Variants in WDFY3 observed in about 807,000 individuals in gnomAD.
WDFY3 encodes WD repeat and FYVE domain containing 3, also known as WD repeat and FYVE domain-containing protein 3.
A neutral mutation model predicts 409.6 loss-of-function variants in WDFY3; 66 were observed. The observed-to-expected ratio is 0.16, with a 90% CI of 0.13 to 0.20. WDFY3 has a LOEUF of 0.20. Among genes scored for constraint, WDFY3 ranks in the 10% least tolerant of loss-of-function variants. The pLI is 1.00. For missense variants in WDFY3, 3,031 were observed against 4,298.1 expected (o/e 0.71, Z 8.24); for synonymous variants, 1,521 against 1,537.1 (o/e 0.99, Z 0.25).
Position 84,794,799 on chromosome 4 carries a change from CCAA to C in WDFY3, c.3269-65_3269-63del. The C allele has an allele frequency of 2.6e-6, 4 of 1,512,504 alleles. No individual in the cohort carries two copies. The South Asian group carries it at 5.2e-5, about 20-fold the overall frequency. The allele number at this position is 1,512,504 out of a possible 1,614,324, so 93.7% of individuals were successfully genotyped here. A position where few individuals can be genotyped will look rare whatever the true frequency, so the allele number is the denominator to read the frequency against. ...TAATATTTATATTTTTTAAAAGATG[CCAA>C]CAAAAGCAAATAAACTCTAAATTAT... is the stretch of plus-strand genomic sequence containing the variant. On this transcript the variant is annotated intron_variant, in intron 20 of 67. Transcript: ENST00000295888.
At position 84,679,040 on chromosome 4, in the gene WDFY3, C is replaced by T; in HGVS notation, c.10026G>A (p.Glu3342=). 1 of 1,614,234 alleles carries T rather than the reference C, an allele frequency of 6.2e-7. No individual in the cohort carries two copies. Among genetic ancestry groups the T allele is most frequent in the Non-Finnish European group, 8.5e-7 (1 of 1,180,044 alleles). The change falls in exon 65 of 68, where the codon GAG becomes GAA. Residue 3342 remains glutamate (E), a synonymous_variant. Transcript: ENST00000295888. The part of the protein sequence containing the change: ...RRWSDQLSLD[E]KDGFIFVNYS... ...AGTTCACAAATATGAAGCCGTCTTT[C>T]TCATCTAGACTGAGCTGGTCGGACC... is the stretch of plus-strand genomic sequence containing the variant.
chr4:84,775,222 G>A (rs1745349060), intron 27 of WDFY3, 84 bp from the exon 28 acceptor site: 1 of 1,087,944 alleles, frequency 9.2e-7, no homozygotes, highest in Non-Finnish European at 1.3e-6. Context: ...ACAGCACATG[G>A]AACTTATTTC....
chr4:84,791,869 C>T (rs1277481573), intron 21 of WDFY3, among the ~76,000 whole-genome samples: 1 of 152,082 alleles, frequency 6.6e-6, no homozygotes, highest in Non-Finnish European at 1.5e-5. Flanking sequence ...TGTTACCAGA[C>T]CATGCTAAGA....
chr4:84,798,983 C>T (rs1051943917), intron 17 of WDFY3, among the ~76,000 whole-genome samples: 2 of 152,138 alleles, frequency 1.3e-5, no homozygotes, highest in African/African-American at 2.4e-5. Context: ...CCATCTTTCC[C>T]GCAATCATAA....
chr4:84,751,819 A>G (rs1456578547), intron 35 of WDFY3, 103 bp from the exon 36 acceptor site: 1 of 1,238,610 alleles, frequency 8.1e-7, no homozygotes, highest in Non-Finnish European at 1.2e-6. Flanking sequence ...TTTTCCACCT[A>G]TTAAGCTATT....
chr4:84,847,053 G>A (rs1269665970), intron 5 of WDFY3, among the ~76,000 whole-genome samples: 1 of 151,996 alleles, frequency 6.6e-6, no homozygotes, highest in Non-Finnish European at 1.5e-5. Flanking sequence ...GTAAGAGAGG[G>A]AGTACGCATT....
chr4:84,743,553 A>G lies in WDFY3; in HGVS notation c.6073+147T>C, dbSNP rs369616196. On this transcript the variant is annotated intron_variant, in intron 37 of 67. Transcript: ENST00000295888. Reference sequence around the variant, plus strand: ...ATGTACTCCTGCTACATGCAACAAGATAGACAAATCTCACAAATATAATGT... The same window carrying G: ...ATGTACTCCTGCTACATGCAACAAGGTAGACAAATCTCACAAATATAATGT... The G allele has an allele frequency of 1.0e-3, 434 of 429,920 alleles. 11 individuals carry two copies. The South Asian group carries it at 0.025, about 25-fold the overall frequency. The allele number at this position is 429,920 out of a possible 1,614,324, so 26.6% of individuals were successfully genotyped here.
At chr4:84,721,685 G>T in intron 46 of WDFY3, 113 bp from the exon 47 acceptor site, 1 of 1,223,254 alleles carries the variant, frequency 8.2e-7, no homozygotes, top group Non-Finnish European at 1.1e-6. Context: ...ATTTTGGAAG[G>T]TATAGGGAGG....
At chr4:84,820,829 A>G (rs1292589041) in intron 11 of WDFY3, among the ~76,000 whole-genome samples, 1 of 152,112 alleles carries the variant, frequency 6.6e-6, no homozygotes, top group South Asian at 2.1e-4. Flanking sequence ...TGGATCATAC[A>G]TGTTTTCCCT....
At chr4:84,849,354 T>C (rs931039589) in intron 5 of WDFY3, among the ~76,000 whole-genome samples, 1 of 152,166 alleles carries the variant, frequency 6.6e-6, no homozygotes, top group Admixed American at 6.5e-5. Flanking sequence ...GAAAAAAATT[T>C]TCTTTGCCTA....
intron 10 of WDFY3, among the ~76,000 whole-genome samples, chr4:84,822,655 TG>T (rs928152074): frequency 1.3e-5 from 2 of 152,114 alleles, no homozygotes; most frequent in African/African-American, 4.8e-5. Context: ...GAGGTTGCAG[TG>T]GGCTATGATC....
intron 1 of WDFY3, among the ~76,000 whole-genome samples, chr4:84,949,238 C>T (rs1362187460): frequency 6.6e-6 from 1 of 151,982 alleles, no homozygotes. Context: ...AGCAAGCTCA[C>T]AGAATTTTAA....
intron 56 of WDFY3, among the ~76,000 whole-genome samples, chr4:84,701,309 G>T (rs1490539991): frequency 6.6e-6 from 1 of 152,130 alleles, no homozygotes; most frequent in Non-Finnish European, 1.5e-5. Context: ...GACTTTTCCT[G>T]GGGCTCTGGA....
chr4:84,894,927 G>A (rs1461884070), intron 3 of WDFY3, among the ~76,000 whole-genome samples: 3 of 137,410 alleles, frequency 2.2e-5, no homozygotes, highest in African/African-American at 8.3e-5. Flanking sequence ...TCCAGGCTGG[G>A]CAACAGAGTG....
Position 84,794,909 on chromosome 4 carries a change from C to T in WDFY3, c.3238G>A (p.Asp1080Asn). The T allele has an allele frequency of 6.3e-7, 1 of 1,580,380 alleles. No homozygotes were observed. Among genetic ancestry groups the T allele is most frequent in the Non-Finnish European group, 8.6e-7 (1 of 1,168,590 alleles). ...CCAATGCCACTGACCACAGCCCCATCAATAAGACCTGTTGTGACGGTATTA... is the reference window on the plus strand; with the variant it reads ...CCAATGCCACTGACCACAGCCCCATTAATAAGACCTGTTGTGACGGTATTA... The part of the protein sequence containing the change: ...TNNTVTTGLI[D>N]GAVVSGIGSG... The change falls in exon 20 of 68, where the codon GAT becomes AAT. Residue 1080 changes from aspartate (D) to asparagine (N), a missense_variant. By Grantham distance (23) the Asp-to-Asn change is conservative. This residue lies in a region of WDFY3 where 1,322 missense variants were observed against 1,697.9 expected (regional missense o/e 0.78). Coordinates refer to ENST00000295888, the MANE Select transcript of WDFY3 (RefSeq NM_014991.6).
intron 44 of WDFY3, among the ~76,000 whole-genome samples, chr4:84,729,773 A>G (rs1326537979): frequency 6.6e-6 from 1 of 152,146 alleles, no homozygotes; most frequent in African/African-American, 2.4e-5. Context: ...TGTATTCTTC[A>G]GCTTAAGGGA....
chr4:84,855,827 T>G (rs1759687330), intron 4 of WDFY3, among the ~76,000 whole-genome samples: 1 of 152,228 alleles, frequency 6.6e-6, no homozygotes, highest in South Asian at 2.1e-4. Flanking sequence ...TCTTATGCTC[T>G]TTTTGTTTCT....
chr4:84,780,719 G>A lies in WDFY3; in HGVS notation c.4175-421C>T, dbSNP rs183418199. On this transcript the variant is annotated intron_variant, in intron 25 of 67. Transcript: ENST00000295888. ...TTGGAGGTTGCAGTGAGCCGAGATC[G>A]CGCCACCGCACTCCAGCCTGGGTGA... 2.3e-3 allele frequency among the ~76,000 whole-genome samples: 344 copies of A among 152,032 alleles called. 2 individuals are homozygous for A. The highest frequency in any genetic ancestry group is 7.8e-3 in the African/African-American group (323 of 41,478).
intron 1 of WDFY3, among the ~76,000 whole-genome samples, chr4:84,940,872 CA>C (rs1772024210): frequency 6.6e-6 from 1 of 151,832 alleles, no homozygotes; most frequent in African/African-American, 2.4e-5. Flanking sequence ...ATTCAATATT[CA>C]AAAAATTAAC....
Sources: allele counts gnomAD v4.1 joint callset (sites outside exome capture counted in the v4.1 genomes callset), GRCh38; gene constraint gnomAD v4.1.1; regional missense constraint gnomAD v4.1.1; transcripts MANE v1.5; gene names NCBI Gene and HGNC (gene_info 2026-07-23, HGNC 2026-07-21).